Variants in ATP12A observed in about 807,000 individuals in gnomAD.
ATP12A encodes the protein potassium-transporting ATPase alpha chain 2.
A neutral mutation model predicts 111.2 loss-of-function variants in ATP12A; 81 were observed. That is an observed-to-expected ratio of 0.73 (90% CI 0.61 to 0.88). ATP12A has a LOEUF of 0.88. Among genes scored for constraint, ATP12A ranks in the 40% least tolerant of loss-of-function variants. The probability of loss-of-function intolerance (pLI) is 0.00; values close to 1 mark genes in which losing one functional copy is unlikely to be tolerated. For synonymous variants in ATP12A, 498 were observed against 499.8 expected (o/e 1.00, Z 0.05); for missense variants, 1,196 against 1,313.1 (o/e 0.91, Z 1.38).
chr13:24,707,385 G>T lies in ATP12A; in HGVS notation c.2445G>T (p.Leu815=). ...TCTACATCATTGTCGGGCTCCCCCT[G>T]CCCATTGGCACCATCACCATTCTGT... ...FLIYIIVGLP[L]PIGTITILFI... The change falls in exon 17 of 23, where the codon CTG becomes CTT. Residue 815 remains leucine (L), a synonymous_variant. Transcript: ENST00000381946. The T allele has an allele frequency of 6.2e-7, 1 of 1,614,206 alleles. No homozygotes were observed. Among genetic ancestry groups the T allele is most frequent in the South Asian group, 1.1e-5 (1 of 91,080 alleles).
chr13:24,694,598 C>T lies in ATP12A; in HGVS notation c.1512+20C>T, dbSNP rs9581149. ...TTTCAGGTGAGTTTTTCCTCACAAC[C>T]GGTAATCTCTGTCATCGGCAGCATG... On this transcript the variant is annotated intron_variant, in intron 11 of 22. Coordinates refer to ENST00000381946, the MANE Select transcript of ATP12A (RefSeq NM_001676.7). 1.4e-3 allele frequency: 2,293 copies of T among 1,611,926 alleles called. 30 individuals are homozygous for T. The African/African-American group carries it at 0.027, about 19-fold the overall frequency.
chr13:24,690,473 G>C lies in ATP12A; in HGVS notation c.681+1G>C, dbSNP rs1488434738. On this transcript the variant is annotated splice_donor_variant, in intron 6 of 22. Coordinates refer to ENST00000381946, the MANE Select transcript of ATP12A (RefSeq NM_001676.7). LOFTEE classifies it high-confidence loss of function. The stretch of plus-strand genomic sequence containing the variant: ...GGTGCTGTCTTCTCAGGGGTGTCGG[G>C]TAAGCGGCAAGGGGTATCCACCCCA... 1 of 1,613,812 alleles carries C rather than the reference G, an allele frequency of 6.2e-7. No homozygotes were observed. The highest frequency in any genetic ancestry group is 1.3e-5 in the African/African-American group (1 of 74,982).
chr13:24,687,587 G>A (rs945072580), intron 3 of ATP12A, among the ~76,000 whole-genome samples: 3 of 152,226 alleles, frequency 2.0e-5, no homozygotes, highest in Non-Finnish European at 4.4e-5. Flanking sequence ...TGAACATGTA[G>A]GGTTTCAAAG....
intron 10 of ATP12A, among the ~76,000 whole-genome samples, chr13:24,693,534 C>G (rs796133068): frequency 6.6e-6 from 1 of 152,136 alleles, no homozygotes; most frequent in Non-Finnish European, 1.5e-5. Context: ...GCTTCTTTGT[C>G]GATATCTTCC....
In ATP12A at chr13:24,710,608, C is replaced by T. The variant is rs145223677; in HGVS notation, c.2897+15C>T. ...GGTCTCTTCAGGTACTGCCTGTGCC[C>T]GGCCTCCTGGGGCAGCCCTGGGCCT... is the stretch of plus-strand genomic sequence containing the variant. On this transcript the variant is annotated intron_variant, in intron 20 of 22. Transcript: ENST00000381946. The T allele has an allele frequency of 1.6e-4, 266 of 1,613,872 alleles. No individual in the cohort carries two copies. The highest frequency in any genetic ancestry group is 4.1e-4 in the African/African-American group (31 of 75,032).
intron 6 of ATP12A, 42 bp from the exon 7 acceptor site, chr13:24,690,562 A>AT (rs1244626004): frequency 6.2e-7 from 1 of 1,602,558 alleles, no homozygotes; most frequent in Admixed American, 1.7e-5. Flanking sequence ...GAGGCAGGGA[A>AT]TGAGGTACCC....
chr13:24,688,218 C>T, intron 3 of ATP12A, 101 bp from the exon 4 acceptor site: 1 of 1,355,978 alleles, frequency 7.4e-7, no homozygotes, highest in Non-Finnish European at 1.0e-6. Flanking sequence ...GTTAATGCCT[C>T]ACCCCAAGCT....
At position 24,690,352 on chromosome 13, in the gene ATP12A, C is replaced by T; in HGVS notation, c.561C>T (p.Ile187=). The part of the protein sequence containing the change: ...NKMIPQQALV[I]RDSEKKTIPS... ...TTTTTCTGCAGCAAGCTCTCGTCAT[C>T]CGAGATTCCGAGAAGAAGACCATCC... The change falls in exon 6 of 23, where the codon ATC becomes ATT. Residue 187 remains isoleucine, a synonymous_variant. Coordinates refer to ENST00000381946, the MANE Select transcript of ATP12A (RefSeq NM_001676.7). 3 of 1,612,384 alleles carry T rather than the reference C, an allele frequency of 1.9e-6. No homozygotes were observed. Among genetic ancestry groups the T allele is most frequent in the South Asian group, 1.1e-5 (1 of 90,882 alleles).
Position 24,702,732 on chromosome 13 carries a change from G to A in ATP12A, c.2018+661G>A, listed in dbSNP as rs149804102. Among the ~76,000 whole-genome samples the A allele has an allele frequency of 1.5e-3, 225 of 152,284 alleles. 1 individual carries two copies. Among genetic ancestry groups the A allele is most frequent in the Non-Finnish European group, 2.5e-3 (168 of 68,038 alleles). Reference sequence around the variant, plus strand: ...AGACCTGGAACTACAGTAGCAAACTGAACAATACTATCCACACCGTTGGGG... The same window carrying A: ...AGACCTGGAACTACAGTAGCAAACTAAACAATACTATCCACACCGTTGGGG... On this transcript the variant is annotated intron_variant, in intron 14 of 22. Transcript: ENST00000381946.
rs2137699376 is a variant in ATP12A, at chr13:24,692,520, T to C, written c.1160T>C (p.Ile387Thr). 1 of 1,614,180 alleles carries C rather than the reference T, an allele frequency of 6.2e-7. No individual in the cohort carries two copies. Residue 387 changes from isoleucine (I) to threonine (T), a missense_variant, in exon 9 of 23, where the codon ATC becomes ACC. Around this residue, in one of 3 missense-constraint regions of ATP12A, gnomAD observed 1,126 missense variants for 1,228.5 expected, o/e 0.92. Transcript: ENST00000381946. The stretch of plus-strand genomic sequence containing the variant: ...GTGGAGACCCTCGGCTCCACCTCCA[T>C]CATCTGCTCGGACAAGACTGGGACA... The part of the protein sequence containing the change: ...EAVETLGSTS[I>T]ICSDKTGTLT...
chr13:24,688,896 C>G (rs550382501), intron 4 of ATP12A, among the ~76,000 whole-genome samples: 3 of 152,196 alleles, frequency 2.0e-5, no homozygotes, highest in African/African-American at 4.8e-5. Context: ...CCAGAGGCAA[C>G]AAGCTACATG....
rs542678009 is a variant in ATP12A at position 24,698,592 on chromosome 13, C to T, written c.1513-66C>T. The T allele has an allele frequency of 2.1e-5, 32 of 1,503,444 alleles. No homozygotes were observed. In the South Asian group the frequency reaches 2.7e-4, roughly 13 times the overall value. 93.1% of individuals were successfully genotyped at this position (1,503,444 alleles called of 1,614,324 possible). A position where few individuals can be genotyped will look rare whatever the true frequency, so the allele number is the denominator to read the frequency against. On this transcript the variant is annotated intron_variant, in intron 11 of 22. Coordinates refer to ENST00000381946, the MANE Select transcript of ATP12A (RefSeq NM_001676.7). ...CTCTTCCTCCTTTACATTTAATGGA[C>T]CAGTAGAGAAGAAGGAATGCGTTTC... is the stretch of plus-strand genomic sequence containing the variant.
At chr13:24,697,284 G>T (rs990762171) in intron 11 of ATP12A, among the ~76,000 whole-genome samples, 1 of 152,166 alleles carries the variant, frequency 6.6e-6, no homozygotes, top group Admixed American at 6.5e-5. Context: ...ACAGTGCCTG[G>T]CACGTGGTAC....
At chr13:24,681,264 G>A (rs1452498669) in intron 1 of ATP12A, among the ~76,000 whole-genome samples, 2 of 152,062 alleles carry the variant, frequency 1.3e-5, no homozygotes, top group African/African-American at 2.4e-5. Context: ...GGAGGCATCA[G>A]TCAGGAGTTG....
chr13:24,707,410 T>C lies in ATP12A; in HGVS notation c.2470T>C (p.Phe824Leu). Residue 824 changes from phenylalanine to leucine, a missense_variant, in exon 17 of 23, where the codon TTC (phenylalanine) becomes CTC (leucine). Coordinates refer to ENST00000381946, the MANE Select transcript of ATP12A (RefSeq NM_001676.7). ...PLPIGTITILFIDLGTDIIPS... is the reference protein window; with the variant it reads ...PLPIGTITILLIDLGTDIIPS... ...GCCCATTGGCACCATCACCATTCTG[T>C]TCATTGACTTGGGGACAGACATTGT... 6.2e-7 allele frequency: 1 copy of C among 1,614,202 alleles called. No individual in the cohort carries two copies. Among genetic ancestry groups the C allele is most frequent in the Non-Finnish European group, 8.5e-7 (1 of 1,180,028 alleles).
chr13:24,700,857 A>G lies in ATP12A; in HGVS notation c.1816A>G (p.Met606Val), dbSNP rs1875363145. 6.2e-7 allele frequency: 1 copy of G among 1,614,046 alleles called. No individual in the cohort carries two copies. Among genetic ancestry groups the G allele is most frequent in the Non-Finnish European group, 8.5e-7 (1 of 1,180,028 alleles). ...SNLCFVGLLS[M>V]IDPPRSTVPD... ...CCTCTGTTTTGTGGGACTCTTGTCA[A>G]TGATCGATCCCCCTCGGTCCACCGT... The change falls in exon 13 of 23, where the codon ATG (methionine) becomes GTG (valine). Residue 606 changes from methionine to valine, a missense_variant. Around this residue, in one of 3 missense-constraint regions of ATP12A, gnomAD observed 1,126 missense variants for 1,228.5 expected, o/e 0.92. Transcript: ENST00000381946.
At chr13:24,689,509 C>A in intron 5 of ATP12A, 134 bp downstream of exon 5, 1 of 734,760 alleles carries the variant, frequency 1.4e-6, no homozygotes, top group Non-Finnish European at 2.3e-6. Context: ...GGCGAATTAA[C>A]CCATCTGTCA....
At chr13:24,683,564 T>C (rs1454397689) in intron 2 of ATP12A, among the ~76,000 whole-genome samples, 5 of 152,170 alleles carry the variant, frequency 3.3e-5, no homozygotes, top group African/African-American at 1.2e-4. Context: ...CCTGGAGAGT[T>C]TGTTAAACAT....
Position 24,686,696 on chromosome 13 carries a change from G to A in ATP12A, c.228+1323G>A, listed in dbSNP as rs1331858057. ...GGAGCTTGCAGTGAGCGGAGATCGC[G>A]CCACTGCCCTCCAGCCTGGGCGACA... On this transcript the variant is annotated intron_variant, in intron 3 of 22. Coordinates refer to ENST00000381946, the MANE Select transcript of ATP12A (RefSeq NM_001676.7). 1.1e-4 allele frequency among the ~76,000 whole-genome samples: 17 copies of A among 152,140 alleles called. No homozygotes were observed. In the East Asian group the frequency reaches 3.1e-3, roughly 28 times the overall value.
Sources: allele counts gnomAD v4.1 joint callset (sites outside exome capture counted in the v4.1 genomes callset), GRCh38; gene constraint gnomAD v4.1.1; regional missense constraint gnomAD v4.1.1; transcripts MANE v1.5; gene names NCBI Gene and HGNC (gene_info 2026-07-23, HGNC 2026-07-21).